The following LPP variants were observed in gnomAD, a reference collection of about 807,000 sequenced individuals.
LPP encodes lipoma-preferred partner.
Under a neutral mutation model 60.4 loss-of-function variants are expected in LPP, and 38 were observed. The observed-to-expected ratio is 0.63, with a 90% CI of 0.49 to 0.83. LPP has a LOEUF of 0.83. LPP is among the 40% of genes least tolerant of loss of function. LPP has a pLI of 0.00. For synonymous variants in LPP, 328 were observed against 290.8 expected, an observed-to-expected ratio of 1.13 and a Z score of -1.30; for missense variants, 902 against 783.6, an observed-to-expected ratio of 1.15 and a Z score of -1.80.
intron 6 of LPP, among the ~76,000 whole-genome samples, chr3:188,531,697 C>A (rs1822217322): frequency 6.6e-6 from 1 of 152,164 alleles, no homozygotes; most frequent in Non-Finnish European, 1.5e-5. Flanking sequence ...AGCTCCTATA[C>A]CCAGGACCCT....
rs1553882075 is a variant in LPP at position 188,886,729 on chromosome 3, CACACACAT to C, written c.*12258_*12265del. ...TTGTATTGTCTTCAAAACACACACACACACACATACACACACACACACACACACACACA... is the reference window on the plus strand; with the variant it reads ...TTGTATTGTCTTCAAAACACACACACACACACACACACACACACACACACA... On this transcript the variant is annotated 3_prime_UTR_variant, in exon 12 of 12. Transcript: ENST00000617246. 3,427 of 134,732 alleles carry C rather than the reference CACACACAT, an allele frequency of 0.025. 8 individuals carry two copies. Among genetic ancestry groups the C allele is most frequent in the East Asian group, 0.15 (1,247 of 8,190 alleles). The allele number at this position is 134,732 out of a possible 1,614,324, so 8.3% of individuals were successfully genotyped here.
chr3:188,365,777 G>T (rs142764494), intron 3 of LPP, among the ~76,000 whole-genome samples: 1 of 149,580 alleles, frequency 6.7e-6, no homozygotes, highest in Non-Finnish European at 1.5e-5. Flanking sequence ...TATAATTGAC[G>T]AAACAAAAGT....
At chr3:188,828,603 A>G (rs558785300) in intron 9 of LPP, among the ~76,000 whole-genome samples, 22 of 116,612 alleles carry the variant, frequency 1.9e-4, no homozygotes, top group Non-Finnish European at 3.2e-4. Flanking sequence ...AACAAGAGCG[A>G]AACTCTGTCT....
Position 188,694,384 on chromosome 3 carries a change from C to A in LPP, c.1114-13883C>A, listed in dbSNP as rs538024087. Reference sequence around the variant, plus strand: ...AGCAGTTCTACTTCTTTTGATGAGTCAAGTGAATGAATGAAGACATTAAAA... The same window carrying A: ...AGCAGTTCTACTTCTTTTGATGAGTAAAGTGAATGAATGAAGACATTAAAA... On this transcript the variant is annotated intron_variant, in intron 7 of 11. Transcript: ENST00000617246. Among the ~76,000 whole-genome samples the A allele has an allele frequency of 4.6e-5, 7 of 152,204 alleles. No individual in the cohort carries two copies. In the East Asian group the frequency reaches 1.4e-3, roughly 29 times the overall value.
At chr3:188,871,230 T>G (rs1230838420) in intron 10 of LPP, among the ~76,000 whole-genome samples, 1 of 152,122 alleles carries the variant, frequency 6.6e-6, no homozygotes, top group Non-Finnish European at 1.5e-5. Flanking sequence ...GGAAAGGAAA[T>G]TTTGCAGTTG....
chr3:188,711,731 G>A (rs1422884422), intron 8 of LPP: 2 of 152,148 alleles, frequency 1.3e-5, no homozygotes, highest in East Asian at 3.9e-4. Context: ...AGTCTAATAG[G>A]ATATGTGTAC....
chr3:188,495,082 A>ATATATATATATTT (rs1342207321), intron 5 of LPP, among the ~76,000 whole-genome samples: 1 of 97,266 alleles, frequency 1.0e-5, no homozygotes, highest in African/African-American at 4.0e-5. Flanking sequence ...ATATATATAT[A>ATATATATATATTT]TTTTATTTAT....
At chr3:188,640,664 G>C (rs1849912764) in intron 7 of LPP, among the ~76,000 whole-genome samples, 1 of 151,514 alleles carries the variant, frequency 6.6e-6, no homozygotes, top group African/African-American at 2.4e-5. Context: ...GATTTATATG[G>C]GCTACTCTTC....
chr3:188,857,172 T>C (rs1764044495), intron 9 of LPP, among the ~76,000 whole-genome samples: 1 of 152,200 alleles, frequency 6.6e-6, no homozygotes, highest in South Asian at 2.1e-4. Flanking sequence ...TGCAGTGTCC[T>C]AGTATGTGAG....
intron 1 of LPP, among the ~76,000 whole-genome samples, chr3:188,156,959 A>T (rs1325124497): frequency 6.6e-6 from 1 of 152,128 alleles, no homozygotes. Flanking sequence ...TTTATAGCAG[A>T]TTCCTGTATT....
At chr3:188,482,155 C>T (rs1238857758) in intron 4 of LPP, among the ~76,000 whole-genome samples, 2 of 152,192 alleles carry the variant, frequency 1.3e-5, no homozygotes, top group East Asian at 3.9e-4. Flanking sequence ...CCTTCACCTT[C>T]TGCCGTGATT....
At chr3:188,223,339 T>TA (rs1188571133) in intron 1 of LPP, among the ~76,000 whole-genome samples, 3 of 152,148 alleles carry the variant, frequency 2.0e-5, no homozygotes, top group Non-Finnish European at 4.4e-5. Flanking sequence ...AAATGGATGT[T>TA]AAAAAATAGA....
intron 6 of LPP, among the ~76,000 whole-genome samples, chr3:188,578,042 G>C (rs892783548): frequency 3.3e-5 from 5 of 151,918 alleles, no homozygotes; most frequent in African/African-American, 9.7e-5. Context: ...AAAGATGATG[G>C]CTTGTCCTTG....
intron 7 of LPP, among the ~76,000 whole-genome samples, chr3:188,674,162 G>A (rs1857510477): frequency 6.6e-6 from 1 of 151,954 alleles, no homozygotes; most frequent in Non-Finnish European, 1.5e-5. Context: ...GTTATACTTG[G>A]TTAAGTTTTC....
intron 2 of LPP, among the ~76,000 whole-genome samples, chr3:188,287,193 G>A (rs1463873136): frequency 2.6e-5 from 4 of 152,220 alleles, no homozygotes; most frequent in Non-Finnish European, 5.9e-5. Flanking sequence ...GAGCCACTGC[G>A]CCTGGCCAAA....
At chr3:188,195,928 G>A (rs112458354) in intron 1 of LPP, among the ~76,000 whole-genome samples, 9 of 152,096 alleles carry the variant, frequency 5.9e-5, no homozygotes, top group African/African-American at 9.7e-5. Flanking sequence ...GTGGCATCTC[G>A]CTTCTTTACT....
intron 2 of LPP, among the ~76,000 whole-genome samples, chr3:188,311,742 G>A (rs1753528820): frequency 6.6e-6 from 1 of 151,782 alleles, no homozygotes; most frequent in Admixed American, 6.6e-5. Flanking sequence ...GAATTCAAGC[G>A]ATTCTCCTGC....
At chr3:188,654,094 C>T (rs1424677209) in intron 7 of LPP, among the ~76,000 whole-genome samples, 1 of 152,178 alleles carries the variant, frequency 6.6e-6, no homozygotes, top group Non-Finnish European at 1.5e-5. Flanking sequence ...ACAAAGATTT[C>T]CTGAGGACCT....
Position 188,462,100 on chromosome 3 carries a change from A to G in LPP, c.194-22492A>G, listed in dbSNP as rs571266663. Among the ~76,000 whole-genome samples, 345 of 152,262 alleles carry G rather than the reference A, an allele frequency of 2.3e-3. 1 individual carries two copies. The highest frequency in any genetic ancestry group is 3.8e-3 in the Non-Finnish European group (259 of 68,002). ...ATTTTATGAGAATGGCTTTTCTTCA[A>G]TTATTAATAGGGCAACACTTCCTTT... On this transcript the variant is annotated intron_variant, in intron 4 of 11. Coordinates refer to ENST00000617246, the MANE Select transcript of LPP (RefSeq NM_001375462.1).
Sources: allele counts gnomAD v4.1 joint callset (sites outside exome capture counted in the v4.1 genomes callset), GRCh38; gene constraint gnomAD v4.1.1; transcripts MANE v1.5; gene names NCBI Gene and HGNC (gene_info 2026-07-23, HGNC 2026-07-21).